ADAMTS19: variants seen among roughly 807,000 people sequenced by gnomAD.
ADAMTS19 encodes the protein ADAM metallopeptidase with thrombospondin type 1 motif 19.
Under a neutral mutation model 153.3 loss-of-function variants are expected in ADAMTS19, and 93 were observed. That is an observed-to-expected ratio of 0.61 (90% CI 0.51 to 0.72). The LOEUF (loss-of-function observed/expected upper bound fraction) is 0.72. ADAMTS19 is among the 30% of genes least tolerant of loss of function. The pLI is 0.00. For synonymous variants in ADAMTS19, 600 were observed against 556.6 expected (o/e 1.08, Z -1.10); for missense variants, 1,482 against 1,552.1 (o/e 0.95, Z 0.76).
intron 2 of ADAMTS19, among the ~76,000 whole-genome samples, chr5:129,506,011 C>T (rs1248660498): frequency 6.6e-6 from 1 of 152,130 alleles, no homozygotes; most frequent in Non-Finnish European, 1.5e-5. Context: ...GCAAAGGCTG[C>T]CTAATTGTGG....
chr5:129,541,568 T>C (rs894084784), intron 6 of ADAMTS19, among the ~76,000 whole-genome samples: 4 of 152,060 alleles, frequency 2.6e-5, no homozygotes, highest in Non-Finnish European at 5.9e-5. Flanking sequence ...GCAAAGGCAA[T>C]TGAATAATAG....
intron 7 of ADAMTS19, among the ~76,000 whole-genome samples, chr5:129,575,433 C>G (rs913759962): frequency 6.6e-6 from 1 of 152,058 alleles, no homozygotes; most frequent in Non-Finnish European, 1.5e-5. Context: ...ATTTTTCCAG[C>G]TGTATCCTTA....
intron 14 of ADAMTS19, 111 bp downstream of exon 14, chr5:129,654,544 G>A: frequency 8.1e-7 from 1 of 1,227,188 alleles, no homozygotes; most frequent in Non-Finnish European, 1.1e-6. Flanking sequence ...AAAAGATGTT[G>A]CTATAGTCCT....
intron 6 of ADAMTS19, among the ~76,000 whole-genome samples, chr5:129,547,158 G>A (rs958129221): frequency 5.3e-5 from 8 of 150,696 alleles, no homozygotes; most frequent in Admixed American, 5.3e-4. Flanking sequence ...GAGGAAAAGA[G>A]AGAGAGTGGA....
intron 22 of ADAMTS19, 98 bp downstream of exon 22, chr5:129,735,207 C>G: frequency 8.5e-7 from 1 of 1,181,240 alleles, no homozygotes; most frequent in Non-Finnish European, 1.1e-6. Flanking sequence ...AGTTGTAAAT[C>G]TATACTGATT....
chr5:129,536,428 A>C (rs1266370937), intron 6 of ADAMTS19, among the ~76,000 whole-genome samples: 3 of 152,180 alleles, frequency 2.0e-5, no homozygotes, highest in African/African-American at 4.8e-5. Context: ...GCTGGAGAGG[A>C]TGTGGAGAAA....
chr5:129,657,717 C>T (rs748909372), intron 14 of ADAMTS19, among the ~76,000 whole-genome samples: 2 of 152,158 alleles, frequency 1.3e-5, no homozygotes, highest in Non-Finnish European at 2.9e-5. Flanking sequence ...GATGGATAAA[C>T]TACAGTTGAT....
At chr5:129,719,165 T>C (rs1364208014) in intron 21 of ADAMTS19, among the ~76,000 whole-genome samples, 1 of 152,004 alleles carries the variant, frequency 6.6e-6, no homozygotes, top group African/African-American at 2.4e-5. Flanking sequence ...CACCTTAGAG[T>C]GATATTTTTA....
At chr5:129,563,045 T>C (rs80263209) in intron 7 of ADAMTS19, among the ~76,000 whole-genome samples, 3,620 of 152,262 alleles carry the variant, frequency 0.024, 119 homozygotes, top group African/African-American at 0.078. Flanking sequence ...CATATTTAAA[T>C]AGCCCTTTAT....
At chr5:129,516,293 C>T (rs6872835) in intron 3 of ADAMTS19, among the ~76,000 whole-genome samples, 3,592 of 118,938 alleles carry the variant, frequency 0.03, 148 homozygotes, top group African/African-American at 0.1. Context: ...TTTTTTGTAT[C>T]AGGGTAATAC....
chr5:129,700,915 G>A (rs986794129), intron 19 of ADAMTS19, among the ~76,000 whole-genome samples: 1 of 151,650 alleles, frequency 6.6e-6, no homozygotes, highest in Non-Finnish European at 1.5e-5. Flanking sequence ...AAAAAAAAAG[G>A]TATAAAGTCT....
intron 3 of ADAMTS19, among the ~76,000 whole-genome samples, chr5:129,514,677 T>C (rs1467681318): frequency 2.0e-5 from 3 of 152,158 alleles, no homozygotes; most frequent in African/African-American, 2.4e-5. Context: ...TATTTACATA[T>C]TCTAGTTATT....
chr5:129,701,258 T>C (rs976144043), intron 19 of ADAMTS19, 130 bp from the exon 20 acceptor site: 8 of 993,044 alleles, frequency 8.1e-6, no homozygotes, highest in African/African-American at 8.0e-5. Context: ...TGGAACTGTG[T>C]CAATTGGACC....
intron 7 of ADAMTS19, among the ~76,000 whole-genome samples, chr5:129,573,167 T>C (rs760568922): frequency 2.0e-5 from 3 of 152,070 alleles, no homozygotes; most frequent in Non-Finnish European, 2.9e-5. Context: ...TTCCCAGTTT[T>C]GTACCTCTTT....
chr5:129,522,278 C>A (rs570014160), intron 3 of ADAMTS19, among the ~76,000 whole-genome samples: 2 of 115,514 alleles, frequency 1.7e-5, no homozygotes, highest in Non-Finnish European at 3.5e-5. Flanking sequence ...CATATGTATG[C>A]GTAGTTGTAT....
chr5:129,571,314 G>A (rs1173722152), intron 7 of ADAMTS19, among the ~76,000 whole-genome samples: 1 of 151,664 alleles, frequency 6.6e-6, no homozygotes, highest in Non-Finnish European at 1.5e-5. Flanking sequence ...GTATATGTGT[G>A]TGCATATATG....
At chr5:129,624,081 CGCG>C (rs1751910827) in intron 10 of ADAMTS19, among the ~76,000 whole-genome samples, 1 of 135,454 alleles carries the variant, frequency 7.4e-6, no homozygotes, top group Non-Finnish European at 1.5e-5. Flanking sequence ...GAGCCGAGAA[CGCG>C]CCACTGCACT....
At chr5:129,637,801 T>C (rs890558744) in intron 10 of ADAMTS19, among the ~76,000 whole-genome samples, 1 of 152,102 alleles carries the variant, frequency 6.6e-6, no homozygotes, top group Non-Finnish European at 1.5e-5. Context: ...GCCAAGATGA[T>C]TGTGCTACTG....
chr5:129,608,493 C>G (rs1405727855), intron 8 of ADAMTS19, among the ~76,000 whole-genome samples: 2 of 152,090 alleles, frequency 1.3e-5, no homozygotes, highest in Non-Finnish European at 2.9e-5. Flanking sequence ...TACACTCTCT[C>G]AGCTTCCAAG....
Sources: gnomAD v4.1 joint callset for allele counts (sites outside exome capture counted in the v4.1 genomes callset) on GRCh38, gnomAD v4.1.1 for gene constraint, MANE v1.5 for transcripts, NCBI Gene and HGNC (gene_info 2026-07-23, HGNC 2026-07-21) for gene names.